Variants in MTR observed in about 807,000 individuals in gnomAD.
MTR encodes the protein 5-methyltetrahydrofolate-homocysteine methyltransferase, also known as methionine synthase.
MTR carries 84 observed loss-of-function variants against 154.8 expected under a neutral mutation model. That is an observed-to-expected ratio of 0.54 (90% confidence interval 0.45 to 0.65). MTR has a LOEUF of 0.65. MTR is among the 30% of genes least tolerant of loss of function. The pLI, the probability that MTR is intolerant of heterozygous loss-of-function variation, is 0.00. For missense variants in MTR, 1,275 were observed against 1,570.2 expected (o/e 0.81, Z 3.18); for synonymous variants, 554 against 553.9 (o/e 1.00, Z 0.00).
At position 236,874,325 on chromosome 1, in the gene MTR, G is replaced by A. The variant is rs184102290; in HGVS notation, c.2474-401G>A. ...CGCAGTGGCTCACACCTGTAATCCCGGCATTTTGGGAGGCTGAGGCAGGCG... is the reference window on the plus strand; with the variant it reads ...CGCAGTGGCTCACACCTGTAATCCCAGCATTTTGGGAGGCTGAGGCAGGCG... On this transcript the variant is annotated intron_variant, in intron 23 of 32. Transcript: ENST00000366577. 8.6e-5 allele frequency among the ~76,000 whole-genome samples: 13 copies of A among 152,044 alleles called. No individual in the cohort carries two copies. In the East Asian group the frequency reaches 2.1e-3, roughly 25 times the overall value.
intron 5 of MTR, 24 bp from the exon 6 acceptor site, chr1:236,812,714 C>T: frequency 6.3e-7 from 1 of 1,591,834 alleles, no homozygotes; most frequent in Non-Finnish European, 8.6e-7. Context: ...GACTGATGTG[C>T]TGGGTGTGAT....
At chr1:236,879,466 G>A (rs1665610225) in intron 24 of MTR, among the ~76,000 whole-genome samples, 1 of 152,220 alleles carries the variant, frequency 6.6e-6, no homozygotes, top group African/African-American at 2.4e-5. Flanking sequence ...GAATATGAAA[G>A]CACTTGAGGA....
At chr1:236,891,572 C>G (rs1481080126) in intron 29 of MTR, among the ~76,000 whole-genome samples, 1 of 152,000 alleles carries the variant, frequency 6.6e-6, no homozygotes, top group Admixed American at 6.6e-5. Context: ...ATATTGTGTT[C>G]CATGGATGGG....
At chr1:236,800,074 T>C in intron 1 of MTR, 1 of 985,274 alleles carries the variant, frequency 1.0e-6, no homozygotes, top group South Asian at 4.7e-5. Context: ...GAAAAGGGAA[T>C]ACAGTAAGGG....
At position 236,828,994 on chromosome 1, in the gene MTR, A is replaced by G. The variant is rs16834433; in HGVS notation, c.996-195A>G. 0.016 allele frequency among the ~76,000 whole-genome samples: 2,495 copies of G among 152,270 alleles called. 39 individuals carry two copies. The highest frequency in any genetic ancestry group is 0.044 in the Middle Eastern group (13 of 294). ...GGCAGGCACATAAAAGGTACAGTTT[A>G]TAGATTAATTTTCTGCCTTGTTGAG... On this transcript the variant is annotated intron_variant, in intron 11 of 32. Coordinates refer to ENST00000366577, the MANE Select transcript of MTR (RefSeq NM_000254.3).
intron 8 of MTR, among the ~76,000 whole-genome samples, chr1:236,817,709 CT>C (rs1055335700): frequency 6.6e-6 from 1 of 151,946 alleles, no homozygotes; most frequent in African/African-American, 2.4e-5. Context: ...ATGTGATGTT[CT>C]TTTTTTTCAC....
chr1:236,829,057 G>T (rs1289892727), intron 11 of MTR, 132 bp from the exon 12 acceptor site: 2 of 699,370 alleles, frequency 2.9e-6, no homozygotes, highest in Non-Finnish European at 5.0e-6. Flanking sequence ...ACACTTGGAA[G>T]TAGGTATATA....
At position 236,859,929 on chromosome 1, in the gene MTR, T is replaced by G; in HGVS notation, c.2043+7T>G. ...TGAGTATGCCCTTGTGAAGGTAAGT[T>G]ACAGGGGCCTGAACTGGAGGGCTGG... On this transcript the variant is annotated splice_region_variant and intron_variant, in intron 19 of 32. Transcript: ENST00000366577. The G allele has an allele frequency of 1.2e-6, 2 of 1,612,410 alleles. No homozygotes were observed. The highest frequency in any genetic ancestry group is 3.3e-5 in the Admixed American group (2 of 59,988).
intron 1 of MTR, among the ~76,000 whole-genome samples, chr1:236,796,065 G>GTT (rs879419129): frequency 6.8e-6 from 1 of 147,132 alleles, no homozygotes; most frequent in Non-Finnish European, 1.5e-5. Flanking sequence ...CCCTCTGGAA[G>GTT]TTTTTTTTTT....
Position 236,863,463 on chromosome 1 carries a change from C to G in MTR, c.2314C>G (p.Gln772Glu), listed in dbSNP as rs370740550. ...NGTVEEEDPY[Q>E]GTIVLATVKG... ...TTGGCTTCCTTTCCAGGACCCTTAC[C>G]AGGGCACCATCGTGCTGGCCACTGT... Residue 772 changes from glutamine to glutamate, a missense_variant, in exon 22 of 33, where the codon CAG (glutamine) becomes GAG (glutamate). Gln to Glu is a conservative substitution (Grantham distance 29). Coordinates refer to ENST00000366577, the MANE Select transcript of MTR (RefSeq NM_000254.3). 8 of 1,613,812 alleles carry G rather than the reference C, an allele frequency of 5.0e-6. No individual in the cohort carries two copies. The highest frequency in any genetic ancestry group is 2.7e-5 in the African/African-American group (2 of 74,936).
chr1:236,835,526 C>T (rs1441594132), intron 13 of MTR, 21 bp from the exon 14 acceptor site: 4 of 1,612,558 alleles, frequency 2.5e-6, no homozygotes, highest in Non-Finnish European at 3.4e-6. Context: ...AATGCTGCTT[C>T]CTCTCTCATT....
intron 15 of MTR, 121 bp downstream of exon 15, chr1:236,838,720 A>G (rs575040829): frequency 3.1e-5 from 31 of 984,380 alleles, no homozygotes; most frequent in Non-Finnish European, 4.8e-5. Context: ...CTTTCCATAT[A>G]CATTCATGTA....
chr1:236,860,794 A>G (rs1488989834), intron 19 of MTR, among the ~76,000 whole-genome samples: 1 of 152,224 alleles, frequency 6.6e-6, no homozygotes, highest in Non-Finnish European at 1.5e-5. Flanking sequence ...ATTGGCATAT[A>G]AAATTGTATG....
Position 236,795,477 on chromosome 1 carries a change from C to A in MTR, c.-227C>A, listed in dbSNP as rs755998525. On this transcript the variant is annotated 5_prime_UTR_variant, in exon 1 of 33. Coordinates refer to ENST00000366577, the MANE Select transcript of MTR (RefSeq NM_000254.3). Reference sequence around the variant, plus strand: ...TGGCCGGGTACCCGGGAAGAAAGCACGTGCTCCAGCAGTTGCCGCGCCCAG... The same window carrying A: ...TGGCCGGGTACCCGGGAAGAAAGCAAGTGCTCCAGCAGTTGCCGCGCCCAG... The A allele has an allele frequency of 4.0e-6, 6 of 1,511,594 alleles. No individual in the cohort carries two copies. The South Asian group carries it at 4.8e-5, about 12-fold the overall frequency. The allele number at this position is 1,511,594 out of a possible 1,614,324, so 93.6% of individuals were successfully genotyped here.
At chr1:236,840,663 T>C (rs1313800105) in intron 15 of MTR, among the ~76,000 whole-genome samples, 4 of 152,258 alleles carry the variant, frequency 2.6e-5, no homozygotes, top group Admixed American at 2.6e-4. Context: ...GTAACTCTTT[T>C]CCCCTGCTCA....
intron 28 of MTR, 137 bp downstream of exon 28, chr1:236,889,473 A>T: frequency 8.8e-7 from 1 of 1,138,060 alleles, no homozygotes; most frequent in Non-Finnish European, 1.3e-6. Flanking sequence ...CACCTGCCCA[A>T]CTTTTTAATG....
chr1:236,805,304 T>TG (rs1015341880), intron 2 of MTR, among the ~76,000 whole-genome samples: 5 of 151,814 alleles, frequency 3.3e-5, no homozygotes, highest in African/African-American at 9.7e-5. Context: ...AGGGATGTGA[T>TG]GCTTGTTCAG....
At chr1:236,891,471 G>C (rs1366227667) in intron 29 of MTR, 142 bp downstream of exon 29, 7 of 863,240 alleles carry the variant, frequency 8.1e-6, no homozygotes, top group South Asian at 1.5e-5. Flanking sequence ...CCAGTCACAC[G>C]CCCAAGCCCA....
At position 236,890,156 on chromosome 1, in the gene MTR, G is replaced by A. The variant is rs192317932; in HGVS notation, c.3007+820G>A. On this transcript the variant is annotated intron_variant, in intron 28 of 32. Transcript: ENST00000366577. ...TTTGCCAAGTTTCCCACGGGGGGGC[G>A]TGCCTGGGTGTGCGTGTTCGGATGC... 8.6e-3 allele frequency among the ~76,000 whole-genome samples: 1,251 copies of A among 145,064 alleles called. 10 individuals are homozygous for A. The highest frequency in any genetic ancestry group is 0.014 in the Non-Finnish European group (901 of 63,004).
Sources: gnomAD v4.1 joint callset for allele counts (sites outside exome capture counted in the v4.1 genomes callset) on GRCh38, gnomAD v4.1.1 for gene constraint, MANE v1.5 for transcripts, NCBI Gene and HGNC (gene_info 2026-07-23, HGNC 2026-07-21) for gene names.